Variants in TOX observed in about 807,000 individuals in gnomAD.
The protein encoded by TOX is thymocyte selection-associated high mobility group box protein TOX.
TOX carries 11 observed loss-of-function variants against 53.7 expected under a neutral mutation model. The ratio of observed to expected loss-of-function variants is 0.20; its 90% confidence interval spans 0.13 to 0.34. The LOEUF is 0.34. Among genes scored for constraint, TOX ranks in the 10% least tolerant of loss-of-function variants. The pLI is 1.00. For missense variants in TOX, 570 were observed against 664.6 expected (o/e 0.86, Z 1.56); for synonymous variants, 225 against 245.3 (o/e 0.92, Z 0.77).
intron 3 of TOX, among the ~76,000 whole-genome samples, chr8:58,884,198 T>A (rs1262132436): frequency 6.6e-6 from 1 of 152,184 alleles, no homozygotes; most frequent in Non-Finnish European, 1.5e-5. Flanking sequence ...GGTAGATTTT[T>A]AAACAATTTT....
intron 1 of TOX, among the ~76,000 whole-genome samples, chr8:59,056,740 C>G (rs1803896335): frequency 6.6e-6 from 1 of 152,208 alleles, no homozygotes; most frequent in Non-Finnish European, 1.5e-5. Flanking sequence ...TAGGAAGTAT[C>G]TGATTGAAAA....
intron 1 of TOX, among the ~76,000 whole-genome samples, chr8:59,055,230 G>A (rs1453988984): frequency 2.0e-5 from 3 of 152,142 alleles, no homozygotes; most frequent in Non-Finnish European, 4.4e-5. Context: ...ACAGGCCCCA[G>A]GGGACAAGCA....
intron 1 of TOX, among the ~76,000 whole-genome samples, chr8:59,080,260 C>T (rs866908745): frequency 4.6e-5 from 7 of 152,112 alleles, no homozygotes; most frequent in South Asian, 2.1e-4. Flanking sequence ...GGATTACAGG[C>T]GTGAGCCACT....
At chr8:59,029,985 T>C (rs550034962) in intron 1 of TOX, among the ~76,000 whole-genome samples, 1 of 152,224 alleles carries the variant, frequency 6.6e-6, no homozygotes, top group Admixed American at 6.5e-5. Context: ...TGCAGGAAAA[T>C]GGAGGTAACT....
chr8:58,939,259 G>A (rs754984233), intron 3 of TOX, 43 bp downstream of exon 3: 3 of 1,607,342 alleles, frequency 1.9e-6, no homozygotes, highest in Non-Finnish European at 2.6e-6. Context: ...TGTCCTTATG[G>A]TATCCCTCAG....
At chr8:58,995,517 A>T (rs1012133281) in intron 1 of TOX, among the ~76,000 whole-genome samples, 1 of 152,216 alleles carries the variant, frequency 6.6e-6, no homozygotes, top group Non-Finnish European at 1.5e-5. Context: ...CTTATTATTT[A>T]TATCAAATTG....
chr8:58,931,714 C>G (rs1254117312), intron 3 of TOX, among the ~76,000 whole-genome samples: 1 of 152,148 alleles, frequency 6.6e-6, no homozygotes, highest in East Asian at 1.9e-4. Flanking sequence ...CCTGCCTAGA[C>G]TTAAGAGACT....
chr8:58,842,832 C>T lies in TOX; in HGVS notation c.694-4521G>A, dbSNP rs147419769. 2.8e-4 allele frequency among the ~76,000 whole-genome samples: 43 copies of T among 152,330 alleles called. No individual in the cohort carries two copies. The East Asian group carries it at 3.7e-3, about 13-fold the overall frequency. ...CTATAGAAAAGCCTAAATAATTCCA[C>T]GCAGCCAATCCATTTTGTTAGTTGC... On this transcript the variant is annotated intron_variant, in intron 4 of 8. Coordinates refer to ENST00000361421, the MANE Select transcript of TOX (RefSeq NM_014729.3).
At position 59,023,906 on chromosome 8, in the gene TOX, C is replaced by T. The variant is rs114600065; in HGVS notation, c.103-63898G>A. On this transcript the variant is annotated intron_variant, in intron 1 of 8. Transcript: ENST00000361421. ...CTTGAACTCCCCAAAGTTCTCACTT[C>T]AGTTAAGTTATGGGAAAATCAGAGA... Among the ~76,000 whole-genome samples, 393 of 152,224 alleles carry T rather than the reference C, an allele frequency of 2.6e-3. 2 individuals carry two copies. The highest frequency in any genetic ancestry group is 9.0e-3 in the African/African-American group (372 of 41,548).
intron 3 of TOX, among the ~76,000 whole-genome samples, chr8:58,904,984 G>A (rs35054015): frequency 0.068 from 10,357 of 152,210 alleles, 441 homozygotes; most frequent in East Asian, 0.21. Context: ...GGCACGATCT[G>A]TAGAGTGGTA....
chr8:58,959,134 C>T (rs1272440056), intron 2 of TOX, among the ~76,000 whole-genome samples: 1 of 152,090 alleles, frequency 6.6e-6, no homozygotes, highest in Non-Finnish European at 1.5e-5. Flanking sequence ...CAACAAAATG[C>T]CCCTGTGAAC....
At chr8:59,110,289 G>A (rs1301300691) in intron 1 of TOX, among the ~76,000 whole-genome samples, 1 of 152,130 alleles carries the variant, frequency 6.6e-6, no homozygotes, top group Non-Finnish European at 1.5e-5. Flanking sequence ...TTGTTGAAAG[G>A]TTATCCTGCC....
intron 1 of TOX, among the ~76,000 whole-genome samples, chr8:59,090,809 C>G (rs1275754461): frequency 6.6e-6 from 1 of 152,140 alleles, no homozygotes; most frequent in Non-Finnish European, 1.5e-5. Flanking sequence ...GCTAAGTAAC[C>G]AGGGACATGG....
intron 2 of TOX, among the ~76,000 whole-genome samples, chr8:58,940,125 A>G (rs1214909397): frequency 2.0e-5 from 3 of 152,238 alleles, no homozygotes; most frequent in Non-Finnish European, 4.4e-5. Context: ...AGCTATTTTT[A>G]TCGCAAAGAT....
At chr8:58,975,585 T>C (rs7016794) in intron 1 of TOX, among the ~76,000 whole-genome samples, 144,187 of 152,246 alleles carry the variant, frequency 0.95, 68,348 homozygotes, top group East Asian at 1. Context: ...ATTAAGTGTG[T>C]GATAGAATTA....
At chr8:59,015,210 G>A (rs1490981746) in intron 1 of TOX, among the ~76,000 whole-genome samples, 1 of 152,224 alleles carries the variant, frequency 6.6e-6, no homozygotes, top group African/African-American at 2.4e-5. Flanking sequence ...TCTGAGTTAT[G>A]AGTGCATTAG....
At chr8:58,847,354 A>T (rs1308017583) in intron 4 of TOX, among the ~76,000 whole-genome samples, 1 of 152,166 alleles carries the variant, frequency 6.6e-6, no homozygotes, top group East Asian at 1.9e-4. Flanking sequence ...TAAAGAAAGA[A>T]GTCCAAACTC....
At chr8:59,104,755 T>C (rs552774650) in intron 1 of TOX, among the ~76,000 whole-genome samples, 1 of 152,298 alleles carries the variant, frequency 6.6e-6, no homozygotes, top group Non-Finnish European at 1.5e-5. Context: ...ATTCAAAAAA[T>C]TAGGAGTAAC....
intron 1 of TOX, among the ~76,000 whole-genome samples, chr8:59,098,696 C>T (rs1804755000): frequency 6.6e-6 from 1 of 152,196 alleles, no homozygotes; most frequent in African/African-American, 2.4e-5. Flanking sequence ...CTGGATACAG[C>T]TGTTTGGCTT....
Sources: gnomAD v4.1 joint callset for allele counts (sites outside exome capture counted in the v4.1 genomes callset) on GRCh38, gnomAD v4.1.1 for gene constraint, MANE v1.5 for transcripts, NCBI Gene and HGNC (gene_info 2026-07-23, HGNC 2026-07-21) for gene names.